ERBB4: variants seen among roughly 807,000 people sequenced by gnomAD.
The protein encoded by ERBB4 is erb-b2 receptor tyrosine kinase 4.
Under a neutral mutation model 158.0 loss-of-function variants are expected in ERBB4, and 42 were observed. That is an observed-to-expected ratio of 0.27 (90% confidence interval 0.21 to 0.34). The LOEUF (loss-of-function observed/expected upper bound fraction) is 0.34. ERBB4 is among the 10% of genes least tolerant of loss of function. The pLI, the probability that ERBB4 is intolerant of heterozygous loss-of-function variation, is 1.00. For missense variants in ERBB4, 1,333 were observed against 1,624.1 expected (o/e 0.82, Z 3.08); for synonymous variants, 583 against 558.7 (o/e 1.04, Z -0.61).
At chr2:211,741,798 A>C (rs1367260293) in intron 5 of ERBB4, among the ~76,000 whole-genome samples, 1 of 152,206 alleles carries the variant, frequency 6.6e-6, no homozygotes, top group African/African-American at 2.4e-5. Context: ...TCCTGTAGTT[A>C]AAATGAAACA....
At chr2:212,505,417 A>ACAAT (rs1256538760) in intron 1 of ERBB4, among the ~76,000 whole-genome samples, 1 of 124,182 alleles carries the variant, frequency 8.1e-6, no homozygotes, top group Non-Finnish European at 2.0e-5. Flanking sequence ...TCTTGAAGAG[A>ACAAT]GTGAGTATTA....
At chr2:211,954,205 C>T (rs1049619792) in intron 2 of ERBB4, among the ~76,000 whole-genome samples, 2 of 152,046 alleles carry the variant, frequency 1.3e-5, no homozygotes, top group East Asian at 3.9e-4. Flanking sequence ...TTAAATGTTT[C>T]TTCATTTACC....
At chr2:211,413,011 T>G (rs1157982206) in intron 25 of ERBB4, among the ~76,000 whole-genome samples, 2 of 151,546 alleles carry the variant, frequency 1.3e-5, no homozygotes, top group Admixed American at 6.6e-5. Flanking sequence ...AAATTTCTAC[T>G]TAGGCCCAGT....
intron 2 of ERBB4, among the ~76,000 whole-genome samples, chr2:212,061,453 CAAAAAAAAAAAAAAAAAAA>C (rs754237880): frequency 4.4e-5 from 1 of 22,808 alleles, no homozygotes; most frequent in Non-Finnish European, 7.8e-5. Context: ...ACTCTGTCTC[CAAAAAAAAAAAAAAAAAAA>C]AAAAAAAAAA....
chr2:211,775,177 C>CA (rs1334817990), intron 4 of ERBB4, among the ~76,000 whole-genome samples: 1 of 152,150 alleles, frequency 6.6e-6, no homozygotes, highest in Admixed American at 6.6e-5. Context: ...AATGAGCTAT[C>CA]ACCAGGCTCA....
Position 211,431,114 on chromosome 2 carries a change from A to G in ERBB4, c.2488-14T>C. 1 of 1,611,222 alleles carries G rather than the reference A, an allele frequency of 6.2e-7. No individual in the cohort carries two copies. The highest frequency in any genetic ancestry group is 8.5e-7 in the Non-Finnish European group (1 of 1,178,106). On this transcript the variant is annotated splice_polypyrimidine_tract_variant and intron_variant, in intron 20 of 27. Transcript: ENST00000342788. The stretch of plus-strand genomic sequence containing the variant: ...GTACATCATTCCCTGAAAAATATCA[A>G]GTTCCTTAATGATATTCAGTTAATG...
At chr2:212,299,057 T>C (rs1361329899) in intron 1 of ERBB4, among the ~76,000 whole-genome samples, 1 of 151,748 alleles carries the variant, frequency 6.6e-6, no homozygotes, top group East Asian at 1.9e-4. Context: ...AGGCTTTATA[T>C]AAATTATCTC....
At chr2:211,429,369 C>T (rs1305790736) in intron 21 of ERBB4, among the ~76,000 whole-genome samples, 1 of 152,070 alleles carries the variant, frequency 6.6e-6, no homozygotes, top group African/African-American at 2.4e-5. Flanking sequence ...GCTTTGTTTT[C>T]CAGCTTCAAA....
intron 25 of ERBB4, among the ~76,000 whole-genome samples, chr2:211,392,554 TACTC>T (rs2062819371): frequency 9.2e-6 from 1 of 109,178 alleles, no homozygotes; most frequent in African/African-American, 3.6e-5. Flanking sequence ...AAAACTCTCT[TACTC>T]CACACACACA....
At chr2:211,916,819 T>C (rs1460219974) in intron 3 of ERBB4, among the ~76,000 whole-genome samples, 2 of 152,164 alleles carry the variant, frequency 1.3e-5, no homozygotes, top group Non-Finnish European at 2.9e-5. Context: ...TTTAAGAATG[T>C]TTAATAGGAA....
chr2:211,441,559 T>C (rs2063976851), intron 20 of ERBB4, among the ~76,000 whole-genome samples: 1 of 152,164 alleles, frequency 6.6e-6, no homozygotes, highest in Non-Finnish European at 1.5e-5. Flanking sequence ...TTTTTGTTTG[T>C]TTGTTTTTCA....
chr2:211,429,677 G>A (rs2063708755), intron 21 of ERBB4, among the ~76,000 whole-genome samples: 1 of 152,210 alleles, frequency 6.6e-6, no homozygotes, highest in South Asian at 2.1e-4. Context: ...GCTCACCAAG[G>A]TGACACCAAG....
intron 1 of ERBB4, among the ~76,000 whole-genome samples, chr2:212,380,199 A>G (rs1009880716): frequency 2.0e-5 from 3 of 151,434 alleles, no homozygotes; most frequent in Non-Finnish European, 4.4e-5. Context: ...TGATTAGTAA[A>G]TAGAAAATAT....
At chr2:211,611,193 A>C (rs1355772425) in intron 19 of ERBB4, among the ~76,000 whole-genome samples, 2 of 152,128 alleles carry the variant, frequency 1.3e-5, no homozygotes, top group African/African-American at 4.8e-5. Flanking sequence ...CTGCAAGCTA[A>C]GGGATTGAAA....
chr2:211,675,569 A>C (rs544537236), intron 13 of ERBB4, among the ~76,000 whole-genome samples: 6 of 151,812 alleles, frequency 4.0e-5, no homozygotes, highest in Non-Finnish European at 8.8e-5. Flanking sequence ...CTAAAGTTCC[A>C]TTGCAGTTAC....
chr2:211,906,517 G>GGAGC lies in ERBB4; in HGVS notation c.421+40912_421+40913insGCTC, dbSNP rs2079396831. The stretch of plus-strand genomic sequence containing the variant: ...TACGATCTAAGTTTAAAAGAAGAAA[G>GGAGC]TATAAATATTGATATCTATGATAGA... On this transcript the variant is annotated intron_variant, in intron 3 of 27. Coordinates refer to ENST00000342788, the MANE Select transcript of ERBB4 (RefSeq NM_005235.3). 1.4e-3 allele frequency among the ~76,000 whole-genome samples: 209 copies of GGAGC among 151,910 alleles called. 1 individual carries two copies. Among genetic ancestry groups the GGAGC allele is most frequent in the East Asian group, 5.3e-3 (27 of 5,122 alleles).
intron 1 of ERBB4, among the ~76,000 whole-genome samples, chr2:212,299,744 T>C (rs955392555): frequency 2.6e-5 from 4 of 151,664 alleles, no homozygotes; most frequent in African/African-American, 9.7e-5. Context: ...TGAGCAGCGA[T>C]AGCCAACCAA....
Position 212,458,581 on chromosome 2 carries a change from C to T in ERBB4, c.82+79868G>A, listed in dbSNP as rs7565033. Among the ~76,000 whole-genome samples the T allele has an allele frequency of 9.0e-3, 1,364 of 151,110 alleles. 22 individuals carry two copies. The highest frequency in any genetic ancestry group is 0.032 in the African/African-American group (1,306 of 41,154). On this transcript the variant is annotated intron_variant, in intron 1 of 27. Coordinates refer to ENST00000342788, the MANE Select transcript of ERBB4 (RefSeq NM_005235.3). ...AGAAATTTGGACTTGATTCTCTGGG[C>T]AGTGAAAGTTTTAGGTACAAGAGTC...
chr2:212,199,032 A>G (rs1374005905), intron 1 of ERBB4, among the ~76,000 whole-genome samples: 2 of 152,122 alleles, frequency 1.3e-5, no homozygotes. Context: ...AAGTGGAATT[A>G]CGGTAATTTT....
Sources: allele counts gnomAD v4.1 joint callset (sites outside exome capture counted in the v4.1 genomes callset), GRCh38; gene constraint gnomAD v4.1.1; transcripts MANE v1.5; gene names NCBI Gene and HGNC (gene_info 2026-07-23, HGNC 2026-07-21).